The following HYCC2 variants were observed in gnomAD, a reference collection of about 807,000 sequenced individuals.
HYCC2 encodes the protein hyccin 2.
chr2:200,999,472 G>A, the HYCC2 span, among the ~76,000 whole-genome samples: 217 of 150,574 alleles, frequency 1.4e-3, 2 homozygotes, highest in African/African-American at 5.2e-3. Context: ...TGCAACCTCC[G>A]CCTCCCAGGT....
the HYCC2 span, chr2:201,063,262 G>A: frequency 6.3e-6 from 10 of 1,581,364 alleles, no homozygotes; most frequent in South Asian, 1.1e-4. Context: ...CGGGCTTTGG[G>A]TTTGTCACAT....
the HYCC2 span, among the ~76,000 whole-genome samples, chr2:201,043,512 CTT>C: frequency 6.7e-5 from 9 of 133,560 alleles, no homozygotes; most frequent in Non-Finnish European, 8.1e-5. Flanking sequence ...TTCTTTTTTT[CTT>C]TTTTTTTTTT....
the HYCC2 span, among the ~76,000 whole-genome samples, chr2:201,003,779 G>A: frequency 7.6e-6 from 1 of 131,882 alleles, no homozygotes; most frequent in South Asian, 2.6e-4. Flanking sequence ...TTGCCGCTAT[G>A]TTTGGGTTTT....
At chr2:201,054,507 T>TA in the HYCC2 span, among the ~76,000 whole-genome samples, 1 of 152,164 alleles carries the variant, frequency 6.6e-6, no homozygotes, top group East Asian at 1.9e-4. Context: ...GTTCCAGACT[T>TA]ACCTTCTACA....
chr2:200,985,669 T>C, the HYCC2 span, among the ~76,000 whole-genome samples: 1 of 151,836 alleles, frequency 6.6e-6, no homozygotes, highest in African/African-American at 2.4e-5. Flanking sequence ...CTCAAAAAAA[T>C]AAATAAATAA....
chr2:201,016,420 C>T, the HYCC2 span, among the ~76,000 whole-genome samples: 5 of 152,034 alleles, frequency 3.3e-5, no homozygotes, highest in Non-Finnish European at 7.4e-5. Context: ...TCCTCAGTAG[C>T]TGGGACTACA....
the HYCC2 span, chr2:201,008,912 C>CAT: frequency 3.0e-6 from 3 of 988,808 alleles, no homozygotes; most frequent in East Asian, 2.5e-5. Context: ...TTCATTCATT[C>CAT]ATATATATAT....
the HYCC2 span, among the ~76,000 whole-genome samples, chr2:201,048,253 C>G: frequency 3.3e-5 from 5 of 151,782 alleles, no homozygotes; most frequent in African/African-American, 9.7e-5. Context: ...ATACATATAT[C>G]AAACAAGTTA....
At chr2:201,060,504 T>C in the HYCC2 span, among the ~76,000 whole-genome samples, 1 of 152,194 alleles carries the variant, frequency 6.6e-6, no homozygotes, top group Admixed American at 6.5e-5. Flanking sequence ...ATAAATGTGA[T>C]GGCTGGAGGT....
chr2:201,060,806 G>C, the HYCC2 span, among the ~76,000 whole-genome samples: 1 of 152,138 alleles, frequency 6.6e-6, no homozygotes, highest in Non-Finnish European at 1.5e-5. Context: ...TCAACTTAAT[G>C]TTCATAAAGT....
At chr2:200,996,028 CTTTTTTTTTTTTTT>C in the HYCC2 span, 1 of 115,506 alleles carries the variant, frequency 8.7e-6, no homozygotes, top group Non-Finnish European at 1.8e-5. Context: ...TTTCTTTTTT[CTTTTTTTTTTTTTT>C]TTTTTTTGAG....
At chr2:201,058,640 G>A in the HYCC2 span, among the ~76,000 whole-genome samples, 1 of 152,158 alleles carries the variant, frequency 6.6e-6, no homozygotes, top group African/African-American at 2.4e-5. Flanking sequence ...GGAGGTGGAG[G>A]TTGCAGTAAT....
chr2:201,021,816 T>C, the HYCC2 span: 1 of 313,702 alleles, frequency 3.2e-6, no homozygotes, highest in Non-Finnish European at 6.3e-6. Context: ...CTCTTGACCA[T>C]ATGGATATGC....
the HYCC2 span, among the ~76,000 whole-genome samples, chr2:200,983,167 A>G: frequency 0.028 from 4,332 of 152,322 alleles, 214 homozygotes; most frequent in African/African-American, 0.099. Flanking sequence ...TATGATGAAT[A>G]TTCTCTTAGA....
chr2:201,070,454 A>G, the HYCC2 span, among the ~76,000 whole-genome samples: 1 of 152,114 alleles, frequency 6.6e-6, no homozygotes, highest in East Asian at 1.9e-4. Flanking sequence ...GGAGTTCGAG[A>G]CCAGCCTGAC....
the HYCC2 span, chr2:201,067,157 C>T: frequency 4.4e-6 from 1 of 227,956 alleles, no homozygotes; most frequent in South Asian, 7.6e-5. Flanking sequence ...GATTATGATG[C>T]TTTGGAGGTT....
At chr2:201,067,427 T>C in the HYCC2 span, among the ~76,000 whole-genome samples, 1 of 152,330 alleles carries the variant, frequency 6.6e-6, no homozygotes, top group Non-Finnish European at 1.5e-5. Flanking sequence ...TGACCACTTT[T>C]TTGGCAGTTA....
At chr2:200,996,953 A>C in the HYCC2 span, 1 of 152,398 alleles carries the variant, frequency 6.6e-6, no homozygotes, top group Non-Finnish European at 1.5e-5. Flanking sequence ...TATTTCTTTA[A>C]TGCTGAAAAC....
chr2:201,022,228 ATGTG>A, the HYCC2 span: 5 of 504,850 alleles, frequency 9.9e-6, no homozygotes, highest in South Asian at 1.6e-5. Context: ...TGGAAAGATA[ATGTG>A]TGTATTTTGC....
Sources: gnomAD v4.1 joint callset for allele counts (sites outside exome capture counted in the v4.1 genomes callset) on GRCh38, gnomAD v4.1.1 for gene constraint, MANE v1.5 for transcripts, NCBI Gene and HGNC (gene_info 2026-07-23, HGNC 2026-07-21) for gene names.